Variants in DOCK2 observed in about 807,000 individuals in gnomAD.
DOCK2 encodes the protein dedicator of cytokinesis protein 2.
DOCK2 carries 87 observed loss-of-function variants against 248.9 expected under a neutral mutation model. The ratio of observed to expected loss-of-function variants is 0.35; its 90% confidence interval spans 0.29 to 0.42. The LOEUF (loss-of-function observed/expected upper bound fraction) is 0.42. Ranked by LOEUF, DOCK2 falls within the 10% of genes least tolerant of loss-of-function variation. DOCK2 has a pLI of 1.00. For synonymous variants in DOCK2, 805 were observed against 821.6 expected, an observed-to-expected ratio of 0.98 and a Z score of 0.35; for missense variants, 1,747 against 2,300.2, an observed-to-expected ratio of 0.76 and a Z score of 4.92.
At chr5:169,731,242 T>C (rs1762752863) in intron 22 of DOCK2, among the ~76,000 whole-genome samples, 1 of 152,154 alleles carries the variant, frequency 6.6e-6, no homozygotes, top group African/African-American at 2.4e-5. Context: ...CACACCCAAA[T>C]CTCATCTTGA....
intron 27 of DOCK2, among the ~76,000 whole-genome samples, chr5:169,868,236 G>A (rs895836346): frequency 2.1e-4 from 32 of 152,314 alleles, no homozygotes; most frequent in African/African-American, 2.9e-4. Context: ...GTTTGAGATA[G>A]GTGATTAAGT....
chr5:169,693,499 G>A (rs1475838131), intron 9 of DOCK2, among the ~76,000 whole-genome samples: 1 of 152,160 alleles, frequency 6.6e-6, no homozygotes, highest in Non-Finnish European at 1.5e-5. Context: ...TGAAATAATA[G>A]ATGCGATGTC....
chr5:170,016,998 G>A (rs973202944), intron 32 of DOCK2, among the ~76,000 whole-genome samples: 1 of 152,150 alleles, frequency 6.6e-6, no homozygotes, highest in African/African-American at 2.4e-5. Flanking sequence ...TCCTGGAAAA[G>A]TGTCTTTATT....
intron 27 of DOCK2, among the ~76,000 whole-genome samples, chr5:169,844,312 G>T (rs1408754807): frequency 6.6e-6 from 1 of 152,204 alleles, no homozygotes; most frequent in Admixed American, 6.5e-5. Flanking sequence ...CAGCTTTAGA[G>T]ATCAGCACAA....
At chr5:170,045,554 G>A (rs1006237118) in intron 38 of DOCK2, among the ~76,000 whole-genome samples, 1 of 152,168 alleles carries the variant, frequency 6.6e-6, no homozygotes, top group East Asian at 1.9e-4. Flanking sequence ...CAGAGTGGTT[G>A]TGAAGAATCA....
chr5:169,680,734 T>A (rs539773042), intron 6 of DOCK2, among the ~76,000 whole-genome samples: 17 of 151,788 alleles, frequency 1.1e-4, no homozygotes, highest in South Asian at 2.1e-4. Flanking sequence ...AAAAAAAAAA[T>A]TAAATAAATT....
chr5:169,667,894 A>G (rs960094493), intron 2 of DOCK2, among the ~76,000 whole-genome samples: 1 of 152,254 alleles, frequency 6.6e-6, no homozygotes, highest in East Asian at 1.9e-4. Context: ...ATGCTTCATG[A>G]AGTAGAACAT....
chr5:170,023,491 C>A (rs1418212331), intron 33 of DOCK2, among the ~76,000 whole-genome samples: 2 of 152,114 alleles, frequency 1.3e-5, no homozygotes, highest in Admixed American at 1.3e-4. Context: ...TTCTTATAAG[C>A]TGAATCAATG....
intron 43 of DOCK2, 73 bp downstream of exon 43, chr5:170,056,841 C>T: frequency 1.4e-6 from 2 of 1,388,610 alleles, no homozygotes; most frequent in South Asian, 2.4e-5. Flanking sequence ...CGGCCAGCCT[C>T]AGAATGGGAA....
chr5:170,080,073 C>T, intron 49 of DOCK2, 90 bp from the exon 50 acceptor site: 12 of 1,578,158 alleles, frequency 7.6e-6, no homozygotes, highest in East Asian at 2.3e-5. Context: ...ATGCCACGCC[C>T]TCCTCACTGA....
At chr5:169,960,593 A>G (rs1777043658) in intron 27 of DOCK2, among the ~76,000 whole-genome samples, 1 of 152,184 alleles carries the variant, frequency 6.6e-6, no homozygotes, top group South Asian at 2.1e-4. Context: ...AAAATGACCA[A>G]TAATGGAGGG....
At chr5:169,736,020 TA>T (rs1763022094) in intron 22 of DOCK2, among the ~76,000 whole-genome samples, 1 of 151,966 alleles carries the variant, frequency 6.6e-6, no homozygotes, top group Non-Finnish European at 1.5e-5. Context: ...TACACACTTT[TA>T]AACAACCAGA....
In DOCK2 at chr5:170,069,353, C is replaced by T. The variant is rs1403319222; in HGVS notation, c.4728+133C>T. 3.6e-6 allele frequency: 3 copies of T among 833,104 alleles called. No homozygotes were observed. In the African/African-American group the frequency reaches 5.0e-5, roughly 14 times the overall value. 51.6% of individuals were successfully genotyped at this position (833,104 alleles called of 1,614,324 possible). A position where few individuals can be genotyped will look rare whatever the true frequency, so the allele number is the denominator to read the frequency against. ...CCTCCTGTCCCTTGCTTTTCAGCCC[C>T]TCTTCCAACTCTGTATCACACCTGA... On this transcript the variant is annotated intron_variant, in intron 46 of 51. Coordinates refer to ENST00000520908, the MANE Select transcript of DOCK2 (RefSeq NM_004946.3).
At chr5:169,986,080 T>C (rs1299510396) in intron 29 of DOCK2, among the ~76,000 whole-genome samples, 158 bp downstream of exon 29, 2 of 152,114 alleles carry the variant, frequency 1.3e-5, no homozygotes, top group African/African-American at 4.8e-5. Flanking sequence ...GAAGGACTCC[T>C]CACCAATCGA....
chr5:169,690,978 A>T (rs1362849926), intron 9 of DOCK2, among the ~76,000 whole-genome samples: 1 of 152,198 alleles, frequency 6.6e-6, no homozygotes, highest in Admixed American at 6.5e-5. Flanking sequence ...GCTATAAAGA[A>T]ATCCCTGAAA....
intron 29 of DOCK2, among the ~76,000 whole-genome samples, chr5:169,988,310 G>A (rs1185637870): frequency 1.3e-5 from 2 of 151,774 alleles, no homozygotes; most frequent in Non-Finnish European, 2.9e-5. Context: ...TGTTGCAAAG[G>A]CTTTACATGA....
chr5:169,858,277 C>T (rs1446748756), intron 27 of DOCK2, among the ~76,000 whole-genome samples: 2 of 152,154 alleles, frequency 1.3e-5, no homozygotes, highest in Non-Finnish European at 2.9e-5. Context: ...CCAAGGACTT[C>T]GATGGTAAGG....
At chr5:170,034,703 T>C in intron 35 of DOCK2, 148 bp downstream of exon 35, 2 of 1,145,734 alleles carry the variant, frequency 1.7e-6, no homozygotes, top group Non-Finnish European at 2.4e-6. Flanking sequence ...TCTGCTGCGC[T>C]TTCTGCTAGC....
At chr5:170,063,081 T>C (rs66538477) in intron 44 of DOCK2, among the ~76,000 whole-genome samples, 37,101 of 151,988 alleles carry the variant, frequency 0.24, 5,131 homozygotes, top group African/African-American at 0.37. Context: ...TCTAAACACC[T>C]TAGCTCTGGG....
Sources: gnomAD v4.1 joint callset for allele counts (sites outside exome capture counted in the v4.1 genomes callset) on GRCh38, gnomAD v4.1.1 for gene constraint, MANE v1.5 for transcripts, NCBI Gene and HGNC (gene_info 2026-07-23, HGNC 2026-07-21) for gene names.